The following NEGR1 variants were observed in gnomAD, a reference collection of about 807,000 sequenced individuals.
NEGR1 encodes the protein IgLON family member 4.
Under a neutral mutation model 40.9 loss-of-function variants are expected in NEGR1, and 10 were observed. The ratio of observed to expected loss-of-function variants is 0.24; its 90% CI spans 0.15 to 0.42. NEGR1 has a LOEUF of 0.42. Ranked by LOEUF, NEGR1 falls within the 10% of genes least tolerant of loss-of-function variation. NEGR1 has a pLI of 1.00. For missense variants in NEGR1, 352 were observed against 438.9 expected (o/e 0.80, Z 1.77); for synonymous variants, 185 against 166.8 (o/e 1.11, Z -0.84).
At chr1:71,581,018 T>C (rs933209625) in intron 6 of NEGR1, among the ~76,000 whole-genome samples, 4 of 152,210 alleles carry the variant, frequency 2.6e-5, no homozygotes, top group Non-Finnish European at 5.9e-5. Context: ...TAATAAATGA[T>C]ACTAAACACA....
chr1:72,047,027 C>A (rs1186242914), intron 1 of NEGR1, among the ~76,000 whole-genome samples: 1 of 151,460 alleles, frequency 6.6e-6, no homozygotes, highest in Non-Finnish European at 1.5e-5. Context: ...AAAGATTAAC[C>A]ACCCTTTCCA....
chr1:71,728,613 C>T (rs540582098), intron 3 of NEGR1, among the ~76,000 whole-genome samples: 3 of 152,102 alleles, frequency 2.0e-5, no homozygotes, highest in Non-Finnish European at 2.9e-5. Flanking sequence ...TTTTGATTTT[C>T]GAGTAGGAAC....
chr1:72,205,869 G>C (rs1472605678), intron 1 of NEGR1, among the ~76,000 whole-genome samples: 1 of 150,866 alleles, frequency 6.6e-6, no homozygotes, highest in African/African-American at 2.4e-5. Context: ...CTTGGGCCAG[G>C]GAGGTCGAGG....
intron 1 of NEGR1, among the ~76,000 whole-genome samples, chr1:71,938,526 T>C (rs1411946966): frequency 6.7e-6 from 1 of 150,116 alleles, no homozygotes; most frequent in Non-Finnish European, 1.5e-5. Context: ...TCCTTTGCAA[T>C]ACAAAGAGAT....
At chr1:71,962,904 C>G (rs751467187) in intron 1 of NEGR1, among the ~76,000 whole-genome samples, 1 of 151,394 alleles carries the variant, frequency 6.6e-6, no homozygotes, top group Admixed American at 6.6e-5. Flanking sequence ...TAAACAACAA[C>G]AACAAAAACA....
At chr1:71,426,206 C>T (rs1326416279) in intron 6 of NEGR1, among the ~76,000 whole-genome samples, 2 of 152,090 alleles carry the variant, frequency 1.3e-5, no homozygotes, top group Non-Finnish European at 2.9e-5. Flanking sequence ...GTAAAGTGGA[C>T]GTATTTCTTT....
intron 1 of NEGR1, among the ~76,000 whole-genome samples, chr1:71,945,503 C>G (rs988441387): frequency 6.6e-6 from 1 of 152,110 alleles, no homozygotes; most frequent in Non-Finnish European, 1.5e-5. Context: ...TCTATACTGT[C>G]AGAGCACAGA....
At chr1:71,728,136 A>C (rs1054841303) in intron 3 of NEGR1, among the ~76,000 whole-genome samples, 1 of 152,164 alleles carries the variant, frequency 6.6e-6, no homozygotes, top group Non-Finnish European at 1.5e-5. Flanking sequence ...GGCAGACCAG[A>C]ATTATCCAGT....
intron 2 of NEGR1, among the ~76,000 whole-genome samples, chr1:71,806,910 T>G (rs959330122): frequency 1.3e-5 from 2 of 149,516 alleles, no homozygotes; most frequent in African/African-American, 2.5e-5. Flanking sequence ...TTTTTTTTTT[T>G]GAGATGGAGT....
intron 1 of NEGR1, among the ~76,000 whole-genome samples, chr1:72,239,625 C>A (rs906912786): frequency 6.6e-6 from 1 of 151,560 alleles, no homozygotes; most frequent in African/African-American, 2.4e-5. Context: ...TGCAAAGTTT[C>A]TCAATATAAC....
intron 4 of NEGR1, among the ~76,000 whole-genome samples, chr1:71,666,276 C>A (rs905539717): frequency 6.6e-6 from 1 of 151,982 alleles, no homozygotes; most frequent in Non-Finnish European, 1.5e-5. Context: ...TTTTCAAGAC[C>A]ACTCCTAACA....
chr1:72,112,273 A>T (rs1290179315), intron 1 of NEGR1, among the ~76,000 whole-genome samples: 1 of 151,614 alleles, frequency 6.6e-6, no homozygotes, highest in Non-Finnish European at 1.5e-5. Context: ...GTTTAAAAAA[A>T]AAATCTACCC....
chr1:72,223,303 C>T lies in NEGR1; in HGVS notation c.176+59016G>A, dbSNP rs1225359953. Among the ~76,000 whole-genome samples, 3 of 152,092 alleles carry T rather than the reference C, an allele frequency of 2.0e-5. No individual in the cohort carries two copies. In the South Asian group the frequency reaches 6.2e-4, roughly 32 times the overall value. On this transcript the variant is annotated intron_variant, in intron 1 of 6. Transcript: ENST00000357731. ...TGGTAGGCAGCAATATAACTGGAACCAAATTCCAATCGCTTAATATAAGCA... is the reference window on the plus strand; with the variant it reads ...TGGTAGGCAGCAATATAACTGGAACTAAATTCCAATCGCTTAATATAAGCA...
Position 71,988,533 on chromosome 1 carries a change from G to A in NEGR1, c.177-53222C>T, listed in dbSNP as rs867639585. Among the ~76,000 whole-genome samples the A allele has an allele frequency of 1.1e-4, 12 of 107,240 alleles. No individual in the cohort carries two copies. The East Asian group carries it at 2.6e-3, about 24-fold the overall frequency. 70.4% of individuals were successfully genotyped at this position (107,240 alleles called of 152,430 possible). The stretch of plus-strand genomic sequence containing the variant: ...CGCAGTCCGTCCTGGGCGACAGAGC[G>A]AGACTCCGTCTCAAAAAAAAAAAAA... On this transcript the variant is annotated intron_variant, in intron 1 of 6. Coordinates refer to ENST00000357731, the MANE Select transcript of NEGR1 (RefSeq NM_173808.3).
chr1:71,564,105 G>A (rs888035815), intron 6 of NEGR1, among the ~76,000 whole-genome samples: 5 of 151,970 alleles, frequency 3.3e-5, no homozygotes, highest in Non-Finnish European at 7.4e-5. Flanking sequence ...CATTACCTGC[G>A]AGACTGTTAG....
rs192657273 is a variant in NEGR1 at position 72,114,819 on chromosome 1, T to C, written c.176+167500A>G. 5.9e-5 allele frequency among the ~76,000 whole-genome samples: 9 copies of C among 151,906 alleles called. No individual in the cohort carries two copies. In the East Asian group the frequency reaches 1.4e-3, roughly 23 times the overall value. The stretch of plus-strand genomic sequence containing the variant: ...TCCATCCTCAAGAACAAAGCACACA[T>C]TCCTTTGGAGCAAACTGCTCACATA... On this transcript the variant is annotated intron_variant, in intron 1 of 6. Coordinates refer to ENST00000357731, the MANE Select transcript of NEGR1 (RefSeq NM_173808.3).
At chr1:71,792,875 C>A (rs544468699) in intron 2 of NEGR1, among the ~76,000 whole-genome samples, 1 of 152,066 alleles carries the variant, frequency 6.6e-6, no homozygotes, top group South Asian at 2.1e-4. Flanking sequence ...AGAGAAATAT[C>A]TTATTTCTTT....
chr1:71,761,537 T>C (rs1367285913), intron 3 of NEGR1, among the ~76,000 whole-genome samples: 2 of 152,210 alleles, frequency 1.3e-5, no homozygotes, highest in African/African-American at 4.8e-5. Context: ...AGCTGAGGTA[T>C]ATCCATAGCA....
At chr1:71,458,334 A>T (rs1466135825) in intron 6 of NEGR1, among the ~76,000 whole-genome samples, 1 of 152,206 alleles carries the variant, frequency 6.6e-6, no homozygotes, top group Admixed American at 6.5e-5. Context: ...ATTAGATTAA[A>T]CATTGTCCTG....
Sources: allele counts gnomAD v4.1 joint callset (sites outside exome capture counted in the v4.1 genomes callset), GRCh38; gene constraint gnomAD v4.1.1; transcripts MANE v1.5; gene names NCBI Gene and HGNC (gene_info 2026-07-23, HGNC 2026-07-21).